The following ZDHHC14 variants were observed in gnomAD, a reference collection of about 807,000 sequenced individuals.
ZDHHC14 encodes the protein zDHHC palmitoyltransferase 14.
ZDHHC14 carries 16 observed loss-of-function variants against 47.7 expected under a neutral mutation model. That is an observed-to-expected ratio of 0.34 (90% CI 0.23 to 0.51). The LOEUF (loss-of-function observed/expected upper bound fraction) is 0.51, where lower values mean the gene tolerates loss of function less well. Ranked by LOEUF, ZDHHC14 falls within the 20% of genes least tolerant of loss-of-function variation. The probability of loss-of-function intolerance (pLI) is 0.97; values close to 1 mark genes in which losing one functional copy is unlikely to be tolerated. For missense variants in ZDHHC14, 515 were observed against 662.5 expected (o/e 0.78, Z 2.44); for synonymous variants, 293 against 278.9 (o/e 1.05, Z -0.50).
At chr6:157,534,084 G>C (rs1361949838) in intron 1 of ZDHHC14, among the ~76,000 whole-genome samples, 1 of 152,168 alleles carries the variant, frequency 6.6e-6, no homozygotes, top group Non-Finnish European at 1.5e-5. Context: ...CCTATACAGA[G>C]TTTCCAGAAG....
chr6:157,409,419 G>A (rs999046396), intron 1 of ZDHHC14, among the ~76,000 whole-genome samples: 4 of 152,162 alleles, frequency 2.6e-5, no homozygotes, highest in Non-Finnish European at 4.4e-5. Flanking sequence ...CCTGCAGTTA[G>A]CATGCCTTCC....
At chr6:157,558,504 T>C (rs866301919) in intron 2 of ZDHHC14, among the ~76,000 whole-genome samples, 1 of 152,140 alleles carries the variant, frequency 6.6e-6, no homozygotes, top group Non-Finnish European at 1.5e-5. Flanking sequence ...AACTAATGAC[T>C]CTGGTGCAAA....
At chr6:157,410,512 C>T (rs867947971) in intron 1 of ZDHHC14, among the ~76,000 whole-genome samples, 2 of 152,124 alleles carry the variant, frequency 1.3e-5, no homozygotes, top group Admixed American at 1.3e-4. Flanking sequence ...CAACTCATTA[C>T]CAACTCAATT....
Position 157,673,045 on chromosome 6 carries a change from C to G in ZDHHC14, c.1390C>G (p.His464Asp), listed in dbSNP as rs1583110026. Residue 464 changes from histidine to aspartate, a missense_variant, in exon 9 of 9, where the codon CAC (histidine) becomes GAC (aspartate). By Grantham distance (81) the His-to-Asp change is moderately conservative. Coordinates refer to ENST00000359775, the MANE Select transcript of ZDHHC14 (RefSeq NM_024630.3). The surrounding 1 kb of genome is among the most constrained non-coding windows in gnomAD (Gnocchi z 5.4). ...GSPLAHSRTM[H>D]VLGLASQDSL... Reference sequence around the variant, plus strand: ...CCCCCTGGCGCACAGCCGCACCATGCACGTGCTGGGCCTGGCCAGCCAGGA... The same window carrying G: ...CCCCCTGGCGCACAGCCGCACCATGGACGTGCTGGGCCTGGCCAGCCAGGA... The G allele has an allele frequency of 6.4e-7, 1 of 1,566,980 alleles. No individual in the cohort carries two copies. Among genetic ancestry groups the G allele is most frequent in the Non-Finnish European group, 8.6e-7 (1 of 1,163,486 alleles).
intron 2 of ZDHHC14, among the ~76,000 whole-genome samples, chr6:157,571,565 G>A (rs1424956908): frequency 2.6e-5 from 4 of 152,070 alleles, no homozygotes; most frequent in Admixed American, 6.5e-5. Flanking sequence ...GAGCATCTTC[G>A]TAAGTGGCTT....
At chr6:157,384,128 G>T (rs942048292) in intron 1 of ZDHHC14, among the ~76,000 whole-genome samples, 6 of 152,102 alleles carry the variant, frequency 3.9e-5, no homozygotes, top group African/African-American at 1.4e-4. Context: ...TGGCACTTTT[G>T]CTCTTTTTAG....
chr6:157,537,214 A>C (rs926595174), intron 1 of ZDHHC14, among the ~76,000 whole-genome samples: 19 of 152,368 alleles, frequency 1.2e-4, no homozygotes, highest in Non-Finnish European at 2.8e-4. Context: ...AGCGCCCAGA[A>C]AACAGTTCCA....
intron 1 of ZDHHC14, among the ~76,000 whole-genome samples, chr6:157,489,849 A>G (rs1355834707): frequency 6.6e-6 from 1 of 152,124 alleles, no homozygotes; most frequent in East Asian, 1.9e-4. Context: ...GCTCACTGCT[A>G]TGGGAGTGGG....
At chr6:157,646,943 T>C (rs539690746) in intron 6 of ZDHHC14, among the ~76,000 whole-genome samples, 1 of 152,344 alleles carries the variant, frequency 6.6e-6, no homozygotes, top group East Asian at 1.9e-4. Context: ...CTACCATTCA[T>C]TTAATTATTA....
chr6:157,511,684 G>A (rs559312272), intron 1 of ZDHHC14, among the ~76,000 whole-genome samples: 27 of 151,686 alleles, frequency 1.8e-4, no homozygotes, highest in Non-Finnish European at 3.5e-4. Flanking sequence ...TTGAGCCACC[G>A]CGCCCGGCCC....
rs959753489 is a variant in ZDHHC14 at position 157,582,784 on chromosome 6, G to A, written c.407-10204G>A. Reference sequence around the variant, plus strand: ...ACTTGAATGTCAGCCTCTCTAGCAAGGTTGAGGAAGTTTTCATGTGTAATA... The same window carrying A: ...ACTTGAATGTCAGCCTCTCTAGCAAAGTTGAGGAAGTTTTCATGTGTAATA... On this transcript the variant is annotated intron_variant, in intron 2 of 8. Coordinates refer to ENST00000359775, the MANE Select transcript of ZDHHC14 (RefSeq NM_024630.3). The surrounding 1 kb of genome is among the most constrained non-coding windows in gnomAD (Gnocchi z 4.3). Among the ~76,000 whole-genome samples, 1 of 152,152 alleles carries A rather than the reference G, an allele frequency of 6.6e-6. No homozygotes were observed. The highest frequency in any genetic ancestry group is 2.4e-5 in the African/African-American group (1 of 41,446).
At chr6:157,421,727 C>T (rs968477876) in intron 1 of ZDHHC14, among the ~76,000 whole-genome samples, 3 of 151,952 alleles carry the variant, frequency 2.0e-5, no homozygotes, top group Admixed American at 1.3e-4. Flanking sequence ...CCTGCCTCAG[C>T]CTCCTAAGTA....
chr6:157,668,071 T>C (rs1489473947), intron 8 of ZDHHC14, among the ~76,000 whole-genome samples: 1 of 152,156 alleles, frequency 6.6e-6, no homozygotes, highest in Non-Finnish European at 1.5e-5. Context: ...GGAAATCAGT[T>C]TGAATGTGGC....
At chr6:157,570,778 T>TACAC (rs1172605081) in intron 2 of ZDHHC14, among the ~76,000 whole-genome samples, 1 of 151,308 alleles carries the variant, frequency 6.6e-6, no homozygotes, top group Admixed American at 6.6e-5. Context: ...CACATATATA[T>TACAC]ATACACACAC....
chr6:157,587,643 T>C (rs1783745540), intron 2 of ZDHHC14, among the ~76,000 whole-genome samples: 1 of 152,174 alleles, frequency 6.6e-6, no homozygotes, highest in Admixed American at 6.5e-5. Context: ...CCTCCTGCCA[T>C]TGCCCCGCCC....
chr6:157,496,661 A>G (rs1034041933), intron 1 of ZDHHC14, among the ~76,000 whole-genome samples: 1 of 152,204 alleles, frequency 6.6e-6, no homozygotes, highest in African/African-American at 2.4e-5. Context: ...CAACAATGCC[A>G]GGAATTGCTG....
intron 5 of ZDHHC14, among the ~76,000 whole-genome samples, chr6:157,642,062 A>ATAGATAGG (rs1777281312): frequency 6.6e-6 from 1 of 150,510 alleles, no homozygotes; most frequent in Non-Finnish European, 1.5e-5. Context: ...AGATAGATAG[A>ATAGATAGG]TAGATAGTTA....
At chr6:157,472,157 C>T (rs1016179843) in intron 1 of ZDHHC14, among the ~76,000 whole-genome samples, 2 of 152,258 alleles carry the variant, frequency 1.3e-5, no homozygotes, top group South Asian at 4.2e-4. Flanking sequence ...CCTGCAGCCT[C>T]AGCAGTCTCC....
At chr6:157,526,349 C>T (rs1781150019) in intron 1 of ZDHHC14, among the ~76,000 whole-genome samples, 1 of 152,108 alleles carries the variant, frequency 6.6e-6, no homozygotes, top group East Asian at 1.9e-4. Context: ...GTAAGTGCCC[C>T]AGTGCCCGGC....
Sources: allele counts gnomAD v4.1 joint callset (sites outside exome capture counted in the v4.1 genomes callset), GRCh38; gene constraint gnomAD v4.1.1; non-coding constraint Gnocchi (gnomAD v3.1); transcripts MANE v1.5; gene names NCBI Gene and HGNC (gene_info 2026-07-23, HGNC 2026-07-21).